Variants in KCND2 observed in about 807,000 individuals in gnomAD.
KCND2 encodes A-type voltage-gated potassium channel KCND2.
Under a neutral mutation model 54.4 loss-of-function variants are expected in KCND2, and 16 were observed. The observed-to-expected ratio is 0.29, with a 90% CI of 0.20 to 0.45. The LOEUF is 0.45. Ranked by LOEUF, KCND2 falls within the 20% of genes least tolerant of loss-of-function variation. KCND2 has a pLI of 1.00. For synonymous variants in KCND2, 317 were observed against 310.7 expected, an observed-to-expected ratio of 1.02 and a Z score of -0.21; for missense variants, 486 against 824.2, an observed-to-expected ratio of 0.59 and a Z score of 5.02.
At chr7:120,588,074 A>G (rs577872469) in intron 1 of KCND2, among the ~76,000 whole-genome samples, 2 of 152,278 alleles carry the variant, frequency 1.3e-5, no homozygotes, top group South Asian at 4.1e-4. Context: ...TTTTTATCTT[A>G]ATGCATGCTC....
At position 120,665,725 on chromosome 7, in the gene KCND2, C is replaced by T. The variant is rs142663604; in HGVS notation, c.1116-67178C>T. 1.2e-3 allele frequency among the ~76,000 whole-genome samples: 177 copies of T among 152,160 alleles called. 1 individual carries two copies. The highest frequency in any genetic ancestry group is 6.8e-3 in the Middle Eastern group (2 of 294). On this transcript the variant is annotated intron_variant, in intron 1 of 5. Coordinates refer to ENST00000331113, the MANE Select transcript of KCND2 (RefSeq NM_012281.3). ...CATTCTCTTTACGATAATTGACTCACACAACCCATCTTTTTTTCCTCAAAT... is the reference window on the plus strand; with the variant it reads ...CATTCTCTTTACGATAATTGACTCATACAACCCATCTTTTTTTCCTCAAAT...
chr7:120,421,418 G>GCA (rs1584771916), intron 1 of KCND2, among the ~76,000 whole-genome samples: 1 of 152,310 alleles, frequency 6.6e-6, no homozygotes, highest in South Asian at 2.1e-4. Context: ...GAAGTGACCT[G>GCA]CACACACACA....
At chr7:120,564,610 CAA>C (rs1347513605) in intron 1 of KCND2, among the ~76,000 whole-genome samples, 1 of 151,532 alleles carries the variant, frequency 6.6e-6, no homozygotes, top group African/African-American at 2.4e-5. Context: ...TTCATTTTAC[CAA>C]AAAAAGTATA....
intron 1 of KCND2, among the ~76,000 whole-genome samples, chr7:120,405,093 T>C (rs1801331610): frequency 6.6e-6 from 1 of 152,172 alleles, no homozygotes; most frequent in Admixed American, 6.6e-5. Context: ...TACTTCCATT[T>C]ATATTTTATG....
At chr7:120,606,395 GTCTT>G (rs1427109674) in intron 1 of KCND2, among the ~76,000 whole-genome samples, 2 of 151,988 alleles carry the variant, frequency 1.3e-5, no homozygotes, top group African/African-American at 4.8e-5. Context: ...AGTCCTATTT[GTCTT>G]TCTTTTTCTT....
At chr7:120,671,369 C>A (rs1476754881) in intron 1 of KCND2, among the ~76,000 whole-genome samples, 1 of 152,006 alleles carries the variant, frequency 6.6e-6, no homozygotes, top group Non-Finnish European at 1.5e-5. Flanking sequence ...GGAGCTCAGG[C>A]AGTAATGCTC....
intron 1 of KCND2, among the ~76,000 whole-genome samples, chr7:120,379,685 T>A (rs954535843): frequency 6.6e-6 from 1 of 152,004 alleles, no homozygotes; most frequent in Non-Finnish European, 1.5e-5. Flanking sequence ...GACTACATAA[T>A]GTTCTGCCTA....
chr7:120,644,687 T>C (rs1793417030), intron 1 of KCND2, among the ~76,000 whole-genome samples: 1 of 152,230 alleles, frequency 6.6e-6, no homozygotes, highest in South Asian at 2.1e-4. Flanking sequence ...CATGATGTTT[T>C]TGGTTATATT....
chr7:120,342,673 G>A (rs1217065064), intron 1 of KCND2, among the ~76,000 whole-genome samples: 1 of 151,928 alleles, frequency 6.6e-6, no homozygotes, highest in Non-Finnish European at 1.5e-5. Flanking sequence ...AAAATGTGTG[G>A]ATATATAATA....
chr7:120,552,972 T>G (rs1440850023), intron 1 of KCND2, among the ~76,000 whole-genome samples: 1 of 152,230 alleles, frequency 6.6e-6, no homozygotes, highest in Non-Finnish European at 1.5e-5. Context: ...TTGCTATACA[T>G]ATACAATGTA....
intron 1 of KCND2, among the ~76,000 whole-genome samples, chr7:120,627,002 A>G (rs1793172164): frequency 6.6e-6 from 1 of 152,156 alleles, no homozygotes; most frequent in Admixed American, 6.5e-5. Context: ...TGTGATTTTT[A>G]TCTACAGTTG....
At chr7:120,619,139 A>G (rs1391462202) in intron 1 of KCND2, among the ~76,000 whole-genome samples, 2 of 152,246 alleles carry the variant, frequency 1.3e-5, no homozygotes, top group Non-Finnish European at 2.9e-5. Flanking sequence ...AAGAATGAAA[A>G]TTATTAACAT....
At chr7:120,342,136 T>C (rs1378134818) in intron 1 of KCND2, among the ~76,000 whole-genome samples, 1 of 152,174 alleles carries the variant, frequency 6.6e-6, no homozygotes, top group Non-Finnish European at 1.5e-5. Flanking sequence ...GATGAAAATC[T>C]TCGGAGAAAA....
chr7:120,449,819 T>G (rs1039013232), intron 1 of KCND2, among the ~76,000 whole-genome samples: 1 of 152,200 alleles, frequency 6.6e-6, no homozygotes, highest in African/African-American at 2.4e-5. Flanking sequence ...CAAATACAAA[T>G]CTTTAATGAC....
intron 1 of KCND2, among the ~76,000 whole-genome samples, chr7:120,398,151 A>G (rs1397638515): frequency 7.6e-6 from 1 of 131,230 alleles, no homozygotes; most frequent in East Asian, 2.5e-4. Flanking sequence ...TTTTATATGT[A>G]TATACATATA....
intron 1 of KCND2, among the ~76,000 whole-genome samples, chr7:120,448,904 C>T (rs937793931): frequency 1.3e-5 from 2 of 152,140 alleles, no homozygotes; most frequent in East Asian, 3.8e-4. Context: ...TATATTTCAG[C>T]TTAAATATAG....
rs1160880690 is a variant in KCND2 at position 120,273,402 on chromosome 7, C to T, written c.-1231C>T. ...CCCCGGCCCCACCGCGCCAACGCCG[C>T]CCGCCCGGCCGCCCCGCAGCCCCGC... is the stretch of plus-strand genomic sequence containing the variant. On this transcript the variant is annotated 5_prime_UTR_variant, in exon 1 of 6. Transcript: ENST00000331113. Among the ~76,000 whole-genome samples the T allele has an allele frequency of 6.8e-6, 1 of 147,630 alleles. No homozygotes were observed. Among genetic ancestry groups the T allele is most frequent in the Non-Finnish European group, 1.5e-5 (1 of 66,344 alleles).
At chr7:120,453,133 C>T (rs1219915268) in intron 1 of KCND2, among the ~76,000 whole-genome samples, 2 of 152,186 alleles carry the variant, frequency 1.3e-5, no homozygotes, top group African/African-American at 4.8e-5. Flanking sequence ...TTTGCCAGCA[C>T]ACACTCATCC....
At chr7:120,606,713 C>T (rs1792887101) in intron 1 of KCND2, among the ~76,000 whole-genome samples, 1 of 151,742 alleles carries the variant, frequency 6.6e-6, no homozygotes. Flanking sequence ...AATCCTATTT[C>T]ATTGATATGT....
Sources: allele counts gnomAD v4.1 joint callset (sites outside exome capture counted in the v4.1 genomes callset), GRCh38; gene constraint gnomAD v4.1.1; transcripts MANE v1.5; gene names NCBI Gene and HGNC (gene_info 2026-07-23, HGNC 2026-07-21).